SLC18A1: variants seen among roughly 807,000 people sequenced by gnomAD.
SLC18A1 encodes the protein solute carrier family 18 member A1, also known as chromaffin granule amine transporter.
SLC18A1 carries 69 observed loss-of-function variants against 53.7 expected under a neutral mutation model. The observed-to-expected ratio is 1.28, with a 90% CI of 1.06 to 1.57. SLC18A1 has a LOEUF of 1.57. Among genes scored for constraint, SLC18A1 ranks in the 40% most tolerant of loss-of-function variants. The pLI is 0.00. For missense variants in SLC18A1, 932 were observed against 668.1 expected (o/e 1.40, Z -4.35); for synonymous variants, 320 against 248.1 (o/e 1.29, Z -2.72).
chr8:20,153,650 G>A (rs748442137), intron 10 of SLC18A1, among the ~76,000 whole-genome samples: 23 of 148,004 alleles, frequency 1.6e-4, no homozygotes, highest in Non-Finnish European at 3.1e-4. Context: ...CTGGGCGACA[G>A]AGCAAGACTC....
chr8:20,173,510 T>C (rs998849076), intron 5 of SLC18A1, among the ~76,000 whole-genome samples: 1 of 152,062 alleles, frequency 6.6e-6, no homozygotes, highest in East Asian at 1.9e-4. Context: ...TTAACAGGGG[T>C]GCCCAGGGAA....
chr8:20,163,712 G>A (rs998072455), intron 10 of SLC18A1, among the ~76,000 whole-genome samples: 9 of 152,304 alleles, frequency 5.9e-5, no homozygotes, highest in Admixed American at 1.3e-4. Flanking sequence ...AGCAATCAGA[G>A]TTTTAACAAG....
chr8:20,178,529 C>G, intron 3 of SLC18A1, 36 bp from the exon 4 acceptor site: 1 of 1,512,014 alleles, frequency 6.6e-7, no homozygotes, highest in Non-Finnish European at 9.1e-7. Flanking sequence ...GATACAATTC[C>G]AACAGGCACT....
At chr8:20,154,518 A>G (rs2071635199) in intron 10 of SLC18A1, among the ~76,000 whole-genome samples, 1 of 152,206 alleles carries the variant, frequency 6.6e-6, no homozygotes, top group Non-Finnish European at 1.5e-5. Flanking sequence ...AGAAGAAATG[A>G]CTCGGAAGCA....
At chr8:20,178,303 TA>T (rs1275927440) in intron 4 of SLC18A1, 131 bp downstream of exon 4, 1 of 689,670 alleles carries the variant, frequency 1.4e-6, no homozygotes, top group African/African-American at 1.8e-5. Context: ...GCAGAGCATT[TA>T]AACCAATATT....
At position 20,179,272 on chromosome 8, in the gene SLC18A1, G is replaced by C. The variant is rs2072349448; in HGVS notation, c.337C>G (p.Pro113Ala). The C allele has an allele frequency of 4.3e-6, 7 of 1,614,202 alleles. No homozygotes were observed. The highest frequency in any genetic ancestry group is 5.9e-6 in the Non-Finnish European group (7 of 1,180,052). The change falls in exon 3 of 16, where the codon CCA becomes GCA. Residue 113 changes from proline to alanine, a missense_variant. Coordinates refer to ENST00000276373, the MANE Select transcript of SLC18A1 (RefSeq NM_003053.4). ...MNDTASTIPP[P>A]ATEAISAHKN... ...TGAGCTGAGATGGCTTCAGTGGCTG[G>C]AGGTGGGATGGTGCTGGCAGTGTCA...
In SLC18A1 at chr8:20,180,719, G is replaced by A. The variant is rs890665989; in HGVS notation, c.124+122C>T. ...TTTTCCAGTCCCCAACAACCTCTGT[G>A]TGTTTTTGAGCATAAAAAGGAAAAT... is the stretch of plus-strand genomic sequence containing the variant. On this transcript the variant is annotated intron_variant, in intron 2 of 15. Coordinates refer to ENST00000276373, the MANE Select transcript of SLC18A1 (RefSeq NM_003053.4). 2.4e-6 allele frequency: 3 copies of A among 1,252,026 alleles called. No homozygotes were observed. The African/African-American group carries it at 4.5e-5, about 19-fold the overall frequency. 77.6% of individuals were successfully genotyped at this position (1,252,026 alleles called of 1,614,324 possible).
chr8:20,173,198 C>A (rs2072169710), intron 5 of SLC18A1, 70 bp from the exon 6 acceptor site: 1 of 1,135,706 alleles, frequency 8.8e-7, no homozygotes, highest in South Asian at 1.4e-5. Flanking sequence ...GCCCTTGGTC[C>A]CACCCTGTTA....
intron 4 of SLC18A1, among the ~76,000 whole-genome samples, chr8:20,177,913 T>A (rs1425255323): frequency 6.6e-6 from 1 of 152,236 alleles, no homozygotes; most frequent in African/African-American, 2.4e-5. Context: ...TTCTCTTTCT[T>A]GTTTCTTTAG....
intron 10 of SLC18A1, among the ~76,000 whole-genome samples, chr8:20,162,875 C>G (rs1372937592): frequency 6.6e-6 from 1 of 152,196 alleles, no homozygotes; most frequent in Non-Finnish European, 1.5e-5. Context: ...CTCTTTCTAG[C>G]CTGCTCCTCC....
intron 5 of SLC18A1, among the ~76,000 whole-genome samples, chr8:20,173,850 GGCT>G (rs1310645103): frequency 6.6e-6 from 1 of 151,896 alleles, no homozygotes; most frequent in African/African-American, 2.4e-5. Context: ...AGTTATGTCA[GGCT>G]CAGAGATCTA....
chr8:20,175,193 G>T (rs1464182431), intron 4 of SLC18A1: 1 of 152,210 alleles, frequency 6.6e-6, no homozygotes, highest in Non-Finnish European at 1.5e-5. Flanking sequence ...CAGACAGTCA[G>T]ACCTAATGGT....
Position 20,147,741 on chromosome 8 carries a change from G to C in SLC18A1, c.1211-19C>G. On this transcript the variant is annotated intron_variant, in intron 13 of 15. Transcript: ENST00000276373. ...ACCATGCCTGTGGCCAGAGCAAACA[G>C]GACACAGTCAGCCCCACCCACAGTT... 1 of 1,610,470 alleles carries C rather than the reference G, an allele frequency of 6.2e-7. No homozygotes were observed. Among genetic ancestry groups the C allele is most frequent in the Non-Finnish European group, 8.5e-7 (1 of 1,178,704 alleles).
intron 2 of SLC18A1, 39 bp from the exon 3 acceptor site, chr8:20,179,523 C>G: frequency 6.4e-7 from 1 of 1,569,240 alleles, no homozygotes; most frequent in African/African-American, 1.4e-5. Flanking sequence ...GGCTAAGGAC[C>G]GATGTCATCT....
intron 10 of SLC18A1, among the ~76,000 whole-genome samples, chr8:20,155,518 C>G (rs535124678): frequency 1.3e-5 from 2 of 152,254 alleles, no homozygotes; most frequent in African/African-American, 2.4e-5. Context: ...AGCTGTCATC[C>G]CAAACTCCGG....
At chr8:20,161,071 C>T (rs1249347366) in intron 10 of SLC18A1, among the ~76,000 whole-genome samples, 2 of 152,150 alleles carry the variant, frequency 1.3e-5, no homozygotes, top group African/African-American at 4.8e-5. Context: ...TAGCATTCTA[C>T]CCCCGGCCTC....
intron 10 of SLC18A1, among the ~76,000 whole-genome samples, chr8:20,164,148 C>G (rs141672668): frequency 6.6e-6 from 1 of 152,112 alleles, no homozygotes; most frequent in African/African-American, 2.4e-5. Context: ...CCTCTGGCCC[C>G]GTAAGCCTCT....
intron 12 of SLC18A1, chr8:20,148,589 G>T: frequency 1.6e-6 from 1 of 630,184 alleles, no homozygotes; most frequent in Non-Finnish European, 2.6e-6. Flanking sequence ...CAGGTGGTGT[G>T]GCTTGGGTCC....
intron 10 of SLC18A1, among the ~76,000 whole-genome samples, chr8:20,154,203 T>C (rs115975270): frequency 0.023 from 3,546 of 152,242 alleles, 157 homozygotes; most frequent in African/African-American, 0.082. Flanking sequence ...CAAAATGAAC[T>C]AATACACAAA....
Sources: allele counts gnomAD v4.1 joint callset (sites outside exome capture counted in the v4.1 genomes callset), GRCh38; gene constraint gnomAD v4.1.1; transcripts MANE v1.5; gene names NCBI Gene and HGNC (gene_info 2026-07-23, HGNC 2026-07-21).